Variants in SAV1 observed in about 807,000 individuals in gnomAD.
The protein encoded by SAV1 is salvador family WW domain containing protein 1.
Under a neutral mutation model 47.3 loss-of-function variants are expected in SAV1, and 23 were observed. That is an observed-to-expected ratio of 0.49 (90% confidence interval 0.35 to 0.69). The LOEUF (loss-of-function observed/expected upper bound fraction) is 0.69, where lower values mean the gene tolerates loss of function less well. SAV1 is among the 30% of genes least tolerant of loss of function. The pLI, the probability that SAV1 is intolerant of heterozygous loss-of-function variation, is 0.01. For synonymous variants in SAV1, 155 were observed against 159.2 expected, an observed-to-expected ratio of 0.97 and a Z score of 0.20; for missense variants, 448 against 457.4, an observed-to-expected ratio of 0.98 and a Z score of 0.19.
intron 2 of SAV1, among the ~76,000 whole-genome samples, chr14:50,646,279 C>A (rs1315215681): frequency 6.6e-6 from 1 of 152,146 alleles, no homozygotes. Flanking sequence ...AATCTCTCTC[C>A]CTCTCTCTTG....
chr14:50,661,255 C>T (rs1349416112), intron 2 of SAV1, among the ~76,000 whole-genome samples: 1 of 152,148 alleles, frequency 6.6e-6, no homozygotes, highest in Non-Finnish European at 1.5e-5. Context: ...ATTTGTATGT[C>T]TTCTTTTGAG....
At chr14:50,635,432 A>C in intron 4 of SAV1, 48 bp from the exon 5 acceptor site, 2 of 1,382,266 alleles carry the variant, frequency 1.4e-6, no homozygotes, top group Non-Finnish European at 2.0e-6. Context: ...ATACATAAAC[A>C]TGTATTTCTA....
At chr14:50,645,404 A>G (rs1035862482) in intron 2 of SAV1, among the ~76,000 whole-genome samples, 4 of 152,226 alleles carry the variant, frequency 2.6e-5, no homozygotes, top group Non-Finnish European at 4.4e-5. Context: ...AGTCATAGTC[A>G]AAATTCAGTC....
At position 50,634,881 on chromosome 14, in the gene SAV1, A is replaced by C; in HGVS notation, c.*302T>G. ...CTGCTGTAAGAAGTTAACAAGTAAT[A>C]ATTTCCTATTTAACATCTGTTCATA... On this transcript the variant is annotated 3_prime_UTR_variant, in exon 5 of 5. Transcript: ENST00000324679. 4.2e-6 allele frequency: 1 copy of C among 238,148 alleles called. No homozygotes were observed. Among genetic ancestry groups the C allele is most frequent in the Non-Finnish European group, 8.1e-6 (1 of 123,350 alleles). 14.8% of individuals were successfully genotyped at this position (238,148 alleles called of 1,614,324 possible). A position where few individuals can be genotyped will look rare whatever the true frequency, so the allele number is the denominator to read the frequency against.
At chr14:50,636,702 T>C (rs974863959) in intron 4 of SAV1, among the ~76,000 whole-genome samples, 1 of 152,196 alleles carries the variant, frequency 6.6e-6, no homozygotes, top group South Asian at 2.1e-4. Flanking sequence ...AGAGGCTCTT[T>C]ACCTCTTGCA....
intron 2 of SAV1, among the ~76,000 whole-genome samples, chr14:50,647,579 CAGA>C (rs545118994): frequency 5.3e-5 from 8 of 151,796 alleles, no homozygotes; most frequent in Non-Finnish European, 1.2e-4. Context: ...AAAACAAAAA[CAGA>C]AGAAGAAAAC....
intron 4 of SAV1, among the ~76,000 whole-genome samples, chr14:50,639,718 A>G (rs1475413409): frequency 7.2e-5 from 11 of 152,198 alleles, no homozygotes. Context: ...AGATTATGCT[A>G]TTTCTTATTA....
chr14:50,658,931 C>T (rs2039835288), intron 2 of SAV1, among the ~76,000 whole-genome samples: 1 of 152,126 alleles, frequency 6.6e-6, no homozygotes, highest in South Asian at 2.1e-4. Context: ...TAATCTTTCC[C>T]TGCAACTTTA....
rs141066777 is a variant in SAV1, at chr14:50,647,665, G to A, written c.536-2651C>T. Reference sequence around the variant, plus strand: ...CTTCACCGAAGACAACATATTGATGGTAAATAGCACGTGAAAAAATGCTCA... The same window carrying A: ...CTTCACCGAAGACAACATATTGATGATAAATAGCACGTGAAAAAATGCTCA... On this transcript the variant is annotated intron_variant, in intron 2 of 4. Coordinates refer to ENST00000324679, the MANE Select transcript of SAV1 (RefSeq NM_021818.4). Among the ~76,000 whole-genome samples the A allele has an allele frequency of 1.8e-3, 271 of 152,222 alleles. 2 individuals carry two copies. The highest frequency in any genetic ancestry group is 3.1e-3 in the South Asian group (15 of 4,818).
At position 50,640,804 on chromosome 14, in the gene SAV1, T is replaced by G. The variant is rs759533785; in HGVS notation, c.896A>C (p.Tyr299Ser). The change falls in exon 4 of 5, where the codon TAT becomes TCT. Residue 299 changes from tyrosine (Y) to serine (S), a missense_variant. Physicochemically the swap from Tyr to Ser is moderately radical, Grantham distance 144. Coordinates refer to ENST00000324679, the MANE Select transcript of SAV1 (RefSeq NM_021818.4). ...NQSLLVPANP[Y>S]HTAEIPDWLQ... ...CCAGTCAGGAATTTCTGCAGTATGA[T>G]ATGGATTTGCAGGTACCAGAAGGGA... is the stretch of plus-strand genomic sequence containing the variant. 6.2e-7 allele frequency: 1 copy of G among 1,613,938 alleles called. No individual in the cohort carries two copies.
At chr14:50,653,592 C>T (rs142562824) in intron 2 of SAV1, among the ~76,000 whole-genome samples, 6 of 152,142 alleles carry the variant, frequency 3.9e-5, no homozygotes, top group South Asian at 2.1e-4. Flanking sequence ...TCTTTACGGC[C>T]GGACACGGTG....
At chr14:50,645,184 A>C (rs2039712100) in intron 2 of SAV1, among the ~76,000 whole-genome samples, 170 bp from the exon 3 acceptor site, 1 of 152,156 alleles carries the variant, frequency 6.6e-6, no homozygotes. Flanking sequence ...ATTACTATTA[A>C]GGAATTATAA....
At chr14:50,655,371 A>G (rs1305619088) in intron 2 of SAV1, among the ~76,000 whole-genome samples, 1 of 152,136 alleles carries the variant, frequency 6.6e-6, no homozygotes, top group Non-Finnish European at 1.5e-5. Context: ...AGCTTCCCTC[A>G]GGAAATATAT....
At chr14:50,663,187 T>C (rs2039874378) in intron 2 of SAV1, 1 of 152,136 alleles carries the variant, frequency 6.6e-6, no homozygotes, top group Non-Finnish European at 1.5e-5. Flanking sequence ...GTACAAAATA[T>C]TATATAATCA....
Position 50,635,019 on chromosome 14 carries a change from C to T in SAV1, c.*164G>A. Reference sequence around the variant, plus strand: ...CTTAAAATGATAGACTAATTTTTCTCATTCAATAAAAGAAAATTTCTAATA... The same window carrying T: ...CTTAAAATGATAGACTAATTTTTCTTATTCAATAAAAGAAAATTTCTAATA... On this transcript the variant is annotated 3_prime_UTR_variant, in exon 5 of 5. Coordinates refer to ENST00000324679, the MANE Select transcript of SAV1 (RefSeq NM_021818.4). The T allele has an allele frequency of 1.6e-6, 1 of 606,462 alleles. No homozygotes were observed. The highest frequency in any genetic ancestry group is 1.9e-5 in the African/African-American group (1 of 54,016). 37.6% of individuals were successfully genotyped at this position (606,462 alleles called of 1,614,324 possible).
intron 2 of SAV1, among the ~76,000 whole-genome samples, chr14:50,661,380 T>C (rs1257808333): frequency 6.6e-6 from 1 of 152,242 alleles, no homozygotes; most frequent in Non-Finnish European, 1.5e-5. Context: ...TGCAAACACT[T>C]TCTCCTATTC....
chr14:50,652,262 A>G (rs564074308), intron 2 of SAV1, among the ~76,000 whole-genome samples: 1 of 152,360 alleles, frequency 6.6e-6, no homozygotes, highest in South Asian at 2.1e-4. Context: ...TTAAAAAGCT[A>G]AAAGTAAAAA....
At chr14:50,664,138 T>C (rs1488431838) in intron 2 of SAV1, 1 of 152,192 alleles carries the variant, frequency 6.6e-6, no homozygotes, top group Non-Finnish European at 1.5e-5. Context: ...AGTATAACAA[T>C]TTTTCTGTGA....
rs183427059 is a variant in SAV1 at position 50,645,433 on chromosome 14, C to T, written c.536-419G>A. On this transcript the variant is annotated intron_variant, in intron 2 of 4. Transcript: ENST00000324679. ...TTCAGTCAAAACTTTGTTTTATGCA[C>T]AAAATTATTTAAAATATTATGTAAA... Among the ~76,000 whole-genome samples, 703 of 152,086 alleles carry T rather than the reference C, an allele frequency of 4.6e-3. 9 individuals carry two copies. Among genetic ancestry groups the T allele is most frequent in the African/African-American group, 0.016 (672 of 41,476 alleles).
Sources: gnomAD v4.1 joint callset for allele counts (sites outside exome capture counted in the v4.1 genomes callset) on GRCh38, gnomAD v4.1.1 for gene constraint, MANE v1.5 for transcripts, NCBI Gene and HGNC (gene_info 2026-07-23, HGNC 2026-07-21) for gene names.